Variants in NRG3 observed in about 807,000 individuals in gnomAD.
NRG3 encodes pro-neuregulin-3, membrane-bound isoform.
Under a neutral mutation model 66.9 loss-of-function variants are expected in NRG3, and 31 were observed. That is an observed-to-expected ratio of 0.46 (90% CI 0.35 to 0.63). The LOEUF (loss-of-function observed/expected upper bound fraction) is 0.63. Among genes scored for constraint, NRG3 ranks in the 20% least tolerant of loss-of-function variants. NRG3 has a pLI of 0.00. For missense variants in NRG3, 910 were observed against 878.9 expected, an observed-to-expected ratio of 1.04 and a Z score of -0.45; for synonymous variants, 393 against 359.4, an observed-to-expected ratio of 1.09 and a Z score of -1.06.
chr10:82,372,942 T>G (rs963143036), intron 2 of NRG3, among the ~76,000 whole-genome samples: 2 of 152,246 alleles, frequency 1.3e-5, no homozygotes, highest in African/African-American at 2.4e-5. Context: ...TCTAAAATTT[T>G]CCTAAAGAAT....
chr10:82,157,448 T>A (rs1346951086), intron 1 of NRG3, among the ~76,000 whole-genome samples: 2 of 151,902 alleles, frequency 1.3e-5, no homozygotes, highest in East Asian at 3.9e-4. Flanking sequence ...TTATTTTTCT[T>A]ATAAGTATCT....
chr10:82,322,861 A>T lies in NRG3; in HGVS notation c.824-35878A>T, dbSNP rs556684871. ...TCATTTACATTTGATGCTATTTGAT[A>T]TGATAACATTTGCTATGTGAACAGA... On this transcript the variant is annotated intron_variant, in intron 1 of 8. Coordinates refer to ENST00000372141, the MANE Select transcript of NRG3 (RefSeq NM_001010848.4). Among the ~76,000 whole-genome samples, 9 of 152,312 alleles carry T rather than the reference A, an allele frequency of 5.9e-5. No homozygotes were observed. In the East Asian group the frequency reaches 1.7e-3, roughly 29 times the overall value.
chr10:82,199,889 CGTGTGTGT>C (rs71007301), intron 1 of NRG3, among the ~76,000 whole-genome samples: 76 of 142,726 alleles, frequency 5.3e-4, no homozygotes, highest in Admixed American at 6.8e-4. Context: ...TGTGTGTGTG[CGTGTGTGT>C]GTGTGTGTGT....
At chr10:82,447,724 G>C (rs1430231098) in intron 2 of NRG3, among the ~76,000 whole-genome samples, 1 of 152,218 alleles carries the variant, frequency 6.6e-6, no homozygotes, top group Non-Finnish European at 1.5e-5. Flanking sequence ...AATTGCAAAA[G>C]TATTACTGAA....
intron 1 of NRG3, among the ~76,000 whole-genome samples, chr10:82,259,290 C>G (rs570087421): frequency 4.6e-5 from 7 of 152,234 alleles, no homozygotes; most frequent in African/African-American, 1.7e-4. Context: ...GAGATGCACA[C>G]TACAATTTCC....
At chr10:82,746,784 G>A (rs1189399333) in intron 3 of NRG3, among the ~76,000 whole-genome samples, 3 of 151,948 alleles carry the variant, frequency 2.0e-5, no homozygotes, top group Admixed American at 6.6e-5. Context: ...ATACTCATTT[G>A]CCTTACAAAA....
At chr10:82,849,205 A>C (rs2063449653) in intron 3 of NRG3, among the ~76,000 whole-genome samples, 1 of 152,130 alleles carries the variant, frequency 6.6e-6, no homozygotes, top group African/African-American at 2.4e-5. Context: ...GAAGGGAGAG[A>C]TTGGGGCAAT....
intron 1 of NRG3, among the ~76,000 whole-genome samples, chr10:82,321,394 TGA>T (rs1357851034): frequency 4.6e-5 from 7 of 152,198 alleles, no homozygotes; most frequent in Non-Finnish European, 8.8e-5. Context: ...AAACCTGCGT[TGA>T]GCACCTTAAA....
chr10:82,329,185 G>A (rs1158694108), intron 1 of NRG3, among the ~76,000 whole-genome samples: 1 of 152,070 alleles, frequency 6.6e-6, no homozygotes, highest in East Asian at 1.9e-4. Flanking sequence ...TTTCTCTTTG[G>A]CTTGTGCCAG....
intron 1 of NRG3, among the ~76,000 whole-genome samples, chr10:81,984,399 G>A (rs1033549960): frequency 5.9e-5 from 9 of 152,014 alleles, no homozygotes; most frequent in Middle Eastern, 3.2e-3. Context: ...CCTTCCTTCC[G>A]TATTTGCATC....
chr10:82,834,007 C>CT (rs552306804), intron 3 of NRG3, among the ~76,000 whole-genome samples: 35 of 152,250 alleles, frequency 2.3e-4, no homozygotes, highest in African/African-American at 8.2e-4. Flanking sequence ...ATACTGCACT[C>CT]TTTTTTATTT....
intron 2 of NRG3, among the ~76,000 whole-genome samples, chr10:82,572,150 C>G (rs1205271691): frequency 6.6e-6 from 1 of 151,646 alleles, no homozygotes. Context: ...GAAGTGAATT[C>G]TATACTTGAA....
intron 1 of NRG3, among the ~76,000 whole-genome samples, chr10:81,998,571 A>G (rs1451651474): frequency 6.6e-6 from 1 of 152,138 alleles, no homozygotes; most frequent in African/African-American, 2.4e-5. Flanking sequence ...CAATGTCCTC[A>G]TCTGGGTAAA....
At chr10:82,684,036 T>C (rs201290223) in intron 2 of NRG3, among the ~76,000 whole-genome samples, 1 of 13,716 alleles carries the variant, frequency 7.3e-5, no homozygotes, top group African/African-American at 8.0e-5. Flanking sequence ...AGAGCGCCCC[T>C]GTGTTCACTG....
intron 2 of NRG3, among the ~76,000 whole-genome samples, chr10:82,567,077 T>C (rs1026350499): frequency 6.6e-6 from 1 of 151,992 alleles, no homozygotes; most frequent in Non-Finnish European, 1.5e-5. Flanking sequence ...ACAGGTTCCA[T>C]GGTCATCTTT....
chr10:82,237,713 C>T (rs2076822900), intron 1 of NRG3, among the ~76,000 whole-genome samples: 2 of 152,108 alleles, frequency 1.3e-5, no homozygotes, highest in Admixed American at 1.3e-4. Flanking sequence ...AAATTCTGGC[C>T]TGTAAATAGA....
At chr10:82,154,936 C>T (rs1265184475) in intron 1 of NRG3, among the ~76,000 whole-genome samples, 1 of 151,698 alleles carries the variant, frequency 6.6e-6, no homozygotes, top group Non-Finnish European at 1.5e-5. Context: ...TTTATCCATT[C>T]TAACAACTTT....
At chr10:82,122,322 C>A (rs1026455765) in intron 1 of NRG3, among the ~76,000 whole-genome samples, 1 of 152,098 alleles carries the variant, frequency 6.6e-6, no homozygotes, top group Non-Finnish European at 1.5e-5. Context: ...TTAGTTTTTT[C>A]CCCTTGGCAT....
At chr10:82,085,990 T>TA (rs1263367174) in intron 1 of NRG3, among the ~76,000 whole-genome samples, 2 of 152,062 alleles carry the variant, frequency 1.3e-5, no homozygotes, top group Non-Finnish European at 2.9e-5. Context: ...CACTGGGGAT[T>TA]AAATATTCAA....
Sources: allele counts gnomAD v4.1 joint callset (sites outside exome capture counted in the v4.1 genomes callset), GRCh38; gene constraint gnomAD v4.1.1; transcripts MANE v1.5; gene names NCBI Gene and HGNC (gene_info 2026-07-23, HGNC 2026-07-21).